The following MDGA2 variants were observed in gnomAD, a reference collection of about 807,000 sequenced individuals.
MDGA2 encodes the protein MAM domain containing glycosylphosphatidylinositol anchor 2.
In MDGA2, 40 loss-of-function variants were observed where a neutral mutation model predicts 117.8. The observed-to-expected ratio is 0.34, with a 90% confidence interval of 0.26 to 0.44. The LOEUF (loss-of-function observed/expected upper bound fraction) is 0.44. Ranked by LOEUF, MDGA2 falls within the 20% of genes least tolerant of loss-of-function variation. The probability of loss-of-function intolerance (pLI) is 1.00; values close to 1 mark genes in which losing one functional copy is unlikely to be tolerated. For synonymous variants in MDGA2, 452 were observed against 439.0 expected, an observed-to-expected ratio of 1.03 and a Z score of -0.37; for missense variants, 1,123 against 1,250.6, an observed-to-expected ratio of 0.90 and a Z score of 1.54.
At chr14:47,013,150 G>GTC (rs1887954971) in intron 8 of MDGA2, among the ~76,000 whole-genome samples, 1 of 152,160 alleles carries the variant, frequency 6.6e-6, no homozygotes, top group Non-Finnish European at 1.5e-5. Context: ...TCTGAAGCAT[G>GTC]TCTGGTGTTT....
chr14:47,359,777 A>G (rs1443824295), intron 1 of MDGA2, among the ~76,000 whole-genome samples: 3 of 151,610 alleles, frequency 2.0e-5, no homozygotes, highest in African/African-American at 7.3e-5. Flanking sequence ...GAAAAGAAAA[A>G]AAAACATGAT....
In MDGA2 at chr14:47,309,501, T is replaced by G. The variant is rs1207622619; in HGVS notation, c.281-7951A>C. Reference sequence around the variant, plus strand: ...AAAGGCCTTGATTATTAAAGGTTTTTAATATTTTGTATTATTTCCTTAGTA... The same window carrying G: ...AAAGGCCTTGATTATTAAAGGTTTTGAATATTTTGTATTATTTCCTTAGTA... On this transcript the variant is annotated intron_variant, in intron 1 of 16. Coordinates refer to ENST00000399232, the MANE Select transcript of MDGA2 (RefSeq NM_001113498.3). Among the ~76,000 whole-genome samples the G allele has an allele frequency of 1.3e-5, 2 of 152,138 alleles. 1 individual carries two copies. Among genetic ancestry groups the G allele is most frequent in the Admixed American group, 1.3e-4 (2 of 15,262 alleles).
At chr14:47,516,982 C>T (rs1240783325) in intron 1 of MDGA2, among the ~76,000 whole-genome samples, 1 of 152,060 alleles carries the variant, frequency 6.6e-6, no homozygotes, top group Non-Finnish European at 1.5e-5. Context: ...GCCCCATGCA[C>T]TATAGATACA....
chr14:47,519,467 G>A (rs1427114322), intron 1 of MDGA2, among the ~76,000 whole-genome samples: 2 of 152,082 alleles, frequency 1.3e-5, no homozygotes, highest in African/African-American at 4.8e-5. Flanking sequence ...TACAACTCAT[G>A]TGGTCAATTA....
At chr14:46,932,438 A>G (rs1884617306) in intron 9 of MDGA2, among the ~76,000 whole-genome samples, 1 of 152,126 alleles carries the variant, frequency 6.6e-6, no homozygotes, top group South Asian at 2.1e-4. Context: ...TATACTTGAA[A>G]AGTTATTTAA....
At chr14:47,481,379 T>C (rs1893951668) in intron 1 of MDGA2, among the ~76,000 whole-genome samples, 1 of 152,016 alleles carries the variant, frequency 6.6e-6, no homozygotes, top group South Asian at 2.1e-4. Context: ...GCAAATGATA[T>C]GGTCTGCTCG....
At position 46,999,663 on chromosome 14, in the gene MDGA2, A is replaced by T. The variant is rs561914844; in HGVS notation, c.1819+35348T>A. Among the ~76,000 whole-genome samples, 4 of 152,190 alleles carry T rather than the reference A, an allele frequency of 2.6e-5. No individual in the cohort carries two copies. The East Asian group carries it at 7.8e-4, about 29-fold the overall frequency. Reference sequence around the variant, plus strand: ...ATTGACTAAGAAAGAAGGGGGCTGTAAGGAAACAAGGGCAGCCATATCTTC... The same window carrying T: ...ATTGACTAAGAAAGAAGGGGGCTGTTAGGAAACAAGGGCAGCCATATCTTC... On this transcript the variant is annotated intron_variant, in intron 8 of 16. Transcript: ENST00000399232.
At chr14:47,664,110 G>A (rs1035470598) in intron 1 of MDGA2, among the ~76,000 whole-genome samples, 1 of 152,112 alleles carries the variant, frequency 6.6e-6, no homozygotes, top group African/African-American at 2.4e-5. Context: ...GAAACTCCTG[G>A]GTTATGTGGA....
At chr14:47,176,216 C>T (rs1884438140) in intron 3 of MDGA2, among the ~76,000 whole-genome samples, 1 of 152,102 alleles carries the variant, frequency 6.6e-6, no homozygotes, top group Non-Finnish European at 1.5e-5. Flanking sequence ...GTGAAAATGG[C>T]CATACTGCCC....
chr14:47,134,798 A>T (rs955548095), intron 4 of MDGA2, among the ~76,000 whole-genome samples: 5 of 138,288 alleles, frequency 3.6e-5, no homozygotes, highest in African/African-American at 5.4e-5. Context: ...TATATATATC[A>T]CACACATAAT....
chr14:47,448,201 AG>A (rs1893166710), intron 1 of MDGA2, among the ~76,000 whole-genome samples: 1 of 151,382 alleles, frequency 6.6e-6, no homozygotes, highest in Admixed American at 6.6e-5. Flanking sequence ...CCCAGGCTGG[AG>A]GGTAGTGGCA....
intron 8 of MDGA2, among the ~76,000 whole-genome samples, chr14:46,967,983 C>A (rs1886103560): frequency 6.6e-6 from 1 of 152,086 alleles, no homozygotes; most frequent in Non-Finnish European, 1.5e-5. Flanking sequence ...GGCTTCACAA[C>A]CCCACCAATG....
intron 1 of MDGA2, among the ~76,000 whole-genome samples, chr14:47,567,367 C>T (rs1335583847): frequency 6.6e-6 from 1 of 152,116 alleles, no homozygotes; most frequent in Non-Finnish European, 1.5e-5. Context: ...AACATAACAA[C>T]TGAAGGAAAA....
chr14:46,944,361 A>AT lies in MDGA2; in HGVS notation c.2089+13012dup, dbSNP rs530710250. On this transcript the variant is annotated intron_variant, in intron 9 of 16. Transcript: ENST00000399232. ...TTGTCATACATATCATCAGAATATCATTTTTTTTTCTGGCTGCTTTGAAAA... is the reference window on the plus strand; with the variant it reads ...TTGTCATACATATCATCAGAATATCATTTTTTTTTTCTGGCTGCTTTGAAAA... Among the ~76,000 whole-genome samples, 52 of 150,614 alleles carry AT rather than the reference A, an allele frequency of 3.5e-4. No individual in the cohort carries two copies. The East Asian group carries it at 5.6e-3, about 16-fold the overall frequency.
chr14:47,466,185 G>A (rs920726941), intron 1 of MDGA2, among the ~76,000 whole-genome samples: 2 of 151,978 alleles, frequency 1.3e-5, no homozygotes, highest in Non-Finnish European at 2.9e-5. Flanking sequence ...AGGGTGGGAG[G>A]AGGGAGAGGA....
intron 3 of MDGA2, among the ~76,000 whole-genome samples, chr14:47,153,925 T>A (rs142480891): frequency 5.1e-4 from 78 of 152,306 alleles, no homozygotes; most frequent in African/African-American, 1.8e-3. Flanking sequence ...TGGGGACCTT[T>A]GCCAGAGTTG....
chr14:47,589,697 C>CA (rs1186984018), intron 1 of MDGA2, among the ~76,000 whole-genome samples: 2 of 151,584 alleles, frequency 1.3e-5, no homozygotes, highest in South Asian at 2.1e-4. Flanking sequence ...TTAATTTCTG[C>CA]AAAAAAGGCA....
chr14:46,976,977 T>A (rs1230923388), intron 8 of MDGA2, among the ~76,000 whole-genome samples: 1 of 151,942 alleles, frequency 6.6e-6, no homozygotes, highest in East Asian at 1.9e-4. Context: ...TTCATCATTC[T>A]CATGGAATTT....
At chr14:46,967,550 A>G (rs1886084886) in intron 8 of MDGA2, among the ~76,000 whole-genome samples, 1 of 152,176 alleles carries the variant, frequency 6.6e-6, no homozygotes, top group African/African-American at 2.4e-5. Flanking sequence ...ATGAACACAT[A>G]GAAGTGTTGG....
Sources: allele counts gnomAD v4.1 joint callset (sites outside exome capture counted in the v4.1 genomes callset), GRCh38; gene constraint gnomAD v4.1.1; transcripts MANE v1.5; gene names NCBI Gene and HGNC (gene_info 2026-07-23, HGNC 2026-07-21).